NLGN1: variants seen among roughly 807,000 people sequenced by gnomAD.
The protein encoded by NLGN1 is neuroligin 1, also known as neuroligin-1.
A neutral mutation model predicts 65.5 loss-of-function variants in NLGN1; 12 were observed. The ratio of observed to expected loss-of-function variants is 0.18; its 90% CI spans 0.12 to 0.30. The LOEUF (loss-of-function observed/expected upper bound fraction) is 0.30. NLGN1 is among the 10% of genes least tolerant of loss of function. The pLI, the probability that NLGN1 is intolerant of heterozygous loss-of-function variation, is 1.00. For missense variants in NLGN1, 750 were observed against 1,007.1 expected, an observed-to-expected ratio of 0.74 and a Z score of 3.46; for synonymous variants, 350 against 359.5, an observed-to-expected ratio of 0.97 and a Z score of 0.30.
At chr3:173,843,935 A>C (rs1359400802) in intron 4 of NLGN1, among the ~76,000 whole-genome samples, 3 of 152,212 alleles carry the variant, frequency 2.0e-5, no homozygotes, top group Admixed American at 2.0e-4. Flanking sequence ...AGACATACCC[A>C]AAACTGGATA....
At chr3:174,160,695 T>C (rs1726322491) in intron 4 of NLGN1, among the ~76,000 whole-genome samples, 1 of 150,996 alleles carries the variant, frequency 6.6e-6, no homozygotes, top group Non-Finnish European at 1.5e-5. Context: ...TCCAATATAA[T>C]AATTGTATAT....
At chr3:174,091,132 AT>A (rs141653669) in intron 4 of NLGN1, among the ~76,000 whole-genome samples, 3,244 of 152,292 alleles carry the variant, frequency 0.021, 49 homozygotes, top group Non-Finnish European at 0.028. Context: ...CCTGAAGAAA[AT>A]TAACCTGGAG....
chr3:174,144,896 C>T (rs1228264246), intron 4 of NLGN1, among the ~76,000 whole-genome samples: 1 of 152,086 alleles, frequency 6.6e-6, no homozygotes, highest in Non-Finnish European at 1.5e-5. Flanking sequence ...TGCAGAAGCT[C>T]TTTAGTTTAA....
intron 4 of NLGN1, among the ~76,000 whole-genome samples, chr3:174,124,618 C>T (rs1019806740): frequency 7.3e-5 from 7 of 95,292 alleles, no homozygotes; most frequent in African/African-American, 2.8e-4. Context: ...CGTATATATA[C>T]GTATACACAT....
chr3:173,734,381 ATTTTTTTTTTTTTTTTT>A (rs71162356), intron 3 of NLGN1, among the ~76,000 whole-genome samples: 9 of 40,080 alleles, frequency 2.2e-4, no homozygotes, highest in African/African-American at 8.8e-4. Context: ...GGATAATTCT[ATTTTTTTTTTTTTTTTT>A]TTTTTTTTTT....
At chr3:174,228,242 G>A (rs1740086778) in intron 4 of NLGN1, among the ~76,000 whole-genome samples, 1 of 151,902 alleles carries the variant, frequency 6.6e-6, no homozygotes. Flanking sequence ...CTTGTTATTT[G>A]CCACTTTTTT....
intron 1 of NLGN1, among the ~76,000 whole-genome samples, chr3:173,431,670 A>G (rs906499150): frequency 6.6e-6 from 1 of 152,144 alleles, no homozygotes; most frequent in Admixed American, 6.6e-5. Context: ...TATTATCAGC[A>G]TCCTACACCA....
chr3:173,957,897 C>T (rs1490846705), intron 4 of NLGN1, among the ~76,000 whole-genome samples: 1 of 152,206 alleles, frequency 6.6e-6, no homozygotes, highest in African/African-American at 2.4e-5. Flanking sequence ...CCACACCTGC[C>T]AAGATGAGTT....
intron 2 of NLGN1, among the ~76,000 whole-genome samples, chr3:173,591,895 G>A (rs1213298888): frequency 1.3e-5 from 2 of 152,134 alleles, no homozygotes; most frequent in Non-Finnish European, 2.9e-5. Context: ...ACCCAAAGGT[G>A]GCCCCTTCCA....
chr3:174,164,128 C>G (rs1451923461), intron 4 of NLGN1, among the ~76,000 whole-genome samples: 1 of 151,994 alleles, frequency 6.6e-6, no homozygotes, highest in Non-Finnish European at 1.5e-5. Context: ...TCATAATAGC[C>G]ATTTTGGCTG....
chr3:173,474,083 T>C lies in NLGN1; in HGVS notation c.-321+39005T>C, dbSNP rs1191027565. 2.6e-5 allele frequency among the ~76,000 whole-genome samples: 4 copies of C among 152,174 alleles called. No individual in the cohort carries two copies. The East Asian group carries it at 7.7e-4, about 29-fold the overall frequency. ...AACTTTTTAATACTGGGTGTATTTT[T>C]TTTTCTTCCTCCTGCTCCTCCTCAC... On this transcript the variant is annotated intron_variant, in intron 2 of 6. Transcript: ENST00000457714.
chr3:174,289,969 G>GTGTATATATATATGTATATA (rs1561498270), downstream of NLGN1, among the ~76,000 whole-genome samples: 5 of 133,732 alleles, frequency 3.7e-5, no homozygotes, highest in South Asian at 1.2e-3. Context: ...ATATATATAT[G>GTGTATATATATATGTATATA]TATATATATA....
intron 1 of NLGN1, among the ~76,000 whole-genome samples, chr3:173,411,480 G>A (rs1171944331): frequency 6.6e-6 from 1 of 152,148 alleles, no homozygotes; most frequent in Non-Finnish European, 1.5e-5. Context: ...CCCAGGTCAA[G>A]TGGAGTGCTG....
intron 2 of NLGN1, among the ~76,000 whole-genome samples, chr3:173,602,741 G>T (rs1432406875): frequency 2.6e-5 from 4 of 151,998 alleles, no homozygotes; most frequent in Admixed American, 6.6e-5. Context: ...TCAAAACAGT[G>T]CATTTTTAAC....
intron 2 of NLGN1, among the ~76,000 whole-genome samples, chr3:173,487,506 C>T (rs1236359724): frequency 6.6e-6 from 1 of 151,714 alleles, no homozygotes; most frequent in Non-Finnish European, 1.5e-5. Flanking sequence ...CTAAATCTTC[C>T]ATGTCTTAGT....
intron 3 of NLGN1, among the ~76,000 whole-genome samples, chr3:173,654,979 C>G (rs1759768099): frequency 6.6e-6 from 1 of 152,144 alleles, no homozygotes; most frequent in South Asian, 2.1e-4. Flanking sequence ...GGTTTCAGAT[C>G]TCAGCTCTTC....
At chr3:174,152,258 T>C (rs1309034563) in intron 4 of NLGN1, among the ~76,000 whole-genome samples, 3 of 152,206 alleles carry the variant, frequency 2.0e-5, no homozygotes, top group African/African-American at 7.2e-5. Flanking sequence ...TCTATATGTC[T>C]ATCCTTCTAT....
intron 4 of NLGN1, among the ~76,000 whole-genome samples, chr3:174,027,434 G>A (rs1186123071): frequency 1.3e-5 from 2 of 152,110 alleles, no homozygotes; most frequent in Non-Finnish European, 2.9e-5. Context: ...CTAGCAAGTA[G>A]GTTCAGGGGA....
At chr3:173,885,491 A>G (rs951313295) in intron 4 of NLGN1, among the ~76,000 whole-genome samples, 5 of 152,156 alleles carry the variant, frequency 3.3e-5, no homozygotes, top group Admixed American at 3.3e-4. Flanking sequence ...AAACTAAACT[A>G]CTTAACAGAG....
Sources: gnomAD v4.1 joint callset for allele counts (sites outside exome capture counted in the v4.1 genomes callset) on GRCh38, gnomAD v4.1.1 for gene constraint, MANE v1.5 for transcripts, NCBI Gene and HGNC (gene_info 2026-07-23, HGNC 2026-07-21) for gene names.